Variants in TIAM1 observed in about 807,000 individuals in gnomAD.
TIAM1 encodes the protein rho guanine nucleotide exchange factor TIAM1.
TIAM1 carries 65 observed loss-of-function variants against 163.5 expected under a neutral mutation model. The ratio of observed to expected loss-of-function variants is 0.40; its 90% CI spans 0.33 to 0.49. The LOEUF (loss-of-function observed/expected upper bound fraction) is 0.49, where lower values mean the gene tolerates loss of function less well. Among genes scored for constraint, TIAM1 ranks in the 20% least tolerant of loss-of-function variants. TIAM1 has a pLI of 0.77. For missense variants in TIAM1, 1,789 were observed against 2,044.7 expected, an observed-to-expected ratio of 0.87 and a Z score of 2.41; for synonymous variants, 833 against 810.1, an observed-to-expected ratio of 1.03 and a Z score of -0.48.
At chr21:31,191,339 A>G (rs1827257916) in intron 13 of TIAM1, among the ~76,000 whole-genome samples, 1 of 152,078 alleles carries the variant, frequency 6.6e-6, no homozygotes, top group African/African-American at 2.4e-5. Context: ...TATCTTTAGT[A>G]GAGATGGGGT....
At chr21:31,242,860 C>CAAAAAAAAAAA (rs11417948) in intron 6 of TIAM1, among the ~76,000 whole-genome samples, 1 of 95,088 alleles carries the variant, frequency 1.1e-5, no homozygotes. Flanking sequence ...GACTCTGTCT[C>CAAAAAAAAAAA]AAAAAAAAAA....
chr21:31,125,007 A>T (rs374672187), intron 26 of TIAM1, among the ~76,000 whole-genome samples: 1 of 152,180 alleles, frequency 6.6e-6, no homozygotes, highest in Non-Finnish European at 1.5e-5. Flanking sequence ...CTCAAGGCAG[A>T]GTTTTTCATT....
intron 2 of TIAM1, among the ~76,000 whole-genome samples, chr21:31,415,841 C>T (rs1339042943): frequency 6.6e-6 from 1 of 152,074 alleles, no homozygotes; most frequent in Non-Finnish European, 1.5e-5. Context: ...AATGCCTTCC[C>T]CACACTGTCT....
intron 2 of TIAM1, among the ~76,000 whole-genome samples, chr21:31,388,419 TCA>T (rs1330329117): frequency 6.6e-6 from 1 of 151,868 alleles, no homozygotes; most frequent in Non-Finnish European, 1.5e-5. Context: ...GGCAGGAGGA[TCA>T]CTTAAGACCA....
At chr21:31,184,997 G>A (rs1360179974) in intron 14 of TIAM1, among the ~76,000 whole-genome samples, 1 of 150,488 alleles carries the variant, frequency 6.6e-6, no homozygotes, top group African/African-American at 2.4e-5. Context: ...GAACTCAGCT[G>A]AACCAGGACA....
chr21:31,222,651 G>A (rs1487056200), intron 8 of TIAM1, among the ~76,000 whole-genome samples: 2 of 126,598 alleles, frequency 1.6e-5, no homozygotes, highest in Non-Finnish European at 3.2e-5. Context: ...GTATGTGTGT[G>A]TATATATACA....
intron 4 of TIAM1, among the ~76,000 whole-genome samples, chr21:31,262,259 C>A (rs2072520098): frequency 6.6e-6 from 1 of 152,168 alleles, no homozygotes; most frequent in African/African-American, 2.4e-5. Flanking sequence ...GTCAAATAAC[C>A]AAGAGGTAAC....
At chr21:31,504,919 A>G (rs1444819246) in intron 1 of TIAM1, among the ~76,000 whole-genome samples, 2 of 152,340 alleles carry the variant, frequency 1.3e-5, no homozygotes, top group East Asian at 3.9e-4. Context: ...TCCTGCCCTG[A>G]TACTGCAAGA....
chr21:31,235,047 T>C (rs2088670018), intron 6 of TIAM1, among the ~76,000 whole-genome samples: 1 of 152,162 alleles, frequency 6.6e-6, no homozygotes, highest in Non-Finnish European at 1.5e-5. Flanking sequence ...AAGAAGTTAC[T>C]CCAGGTTATT....
In TIAM1 at chr21:31,210,167, A is replaced by T. The variant is rs759195484; in HGVS notation, c.2266T>A (p.Cys756Ser). The T allele has an allele frequency of 2.5e-6, 4 of 1,614,080 alleles. No homozygotes were observed. In the South Asian group the frequency reaches 4.4e-5, roughly 18 times the overall value. ...LPNVHQHNPDCDIWVHEYFTP... is the reference protein window; with the variant it reads ...LPNVHQHNPDSDIWVHEYFTP... Reference sequence around the variant, plus strand: ...AAATACTCGTGGACCCAAATGTCGCAGTCAGGGTTGTGCTGGTGAACGTTA... The same window carrying T: ...AAATACTCGTGGACCCAAATGTCGCTGTCAGGGTTGTGCTGGTGAACGTTA... The change falls in exon 11 of 28, where the codon TGC (cysteine) becomes AGC (serine). Residue 756 changes from cysteine to serine, a missense_variant. Transcript: ENST00000541036.
chr21:31,264,254 C>T (rs146752538), intron 4 of TIAM1, among the ~76,000 whole-genome samples: 158 of 152,222 alleles, frequency 1.0e-3, no homozygotes, highest in East Asian at 5.0e-3. Context: ...CCCAATAATT[C>T]GTTTTTCAAC....
intron 2 of TIAM1, among the ~76,000 whole-genome samples, chr21:31,440,678 C>G (rs1443204137): frequency 6.6e-6 from 1 of 152,064 alleles, no homozygotes; most frequent in African/African-American, 2.4e-5. Context: ...GTCAGAGCAT[C>G]GAGACCATCC....
intron 3 of TIAM1, among the ~76,000 whole-genome samples, chr21:31,268,617 G>T (rs1010118906): frequency 1.3e-5 from 2 of 152,142 alleles, no homozygotes; most frequent in Non-Finnish European, 2.9e-5. Context: ...ATCTCAGAGG[G>T]AATTTTCCAA....
intron 6 of TIAM1, among the ~76,000 whole-genome samples, chr21:31,244,456 G>C (rs1229024261): frequency 6.6e-6 from 1 of 152,202 alleles, no homozygotes; most frequent in African/African-American, 2.4e-5. Context: ...TGGGCGCAGT[G>C]GCTTACACCT....
At chr21:31,416,444 C>T (rs766318155) in intron 2 of TIAM1, among the ~76,000 whole-genome samples, 3 of 152,154 alleles carry the variant, frequency 2.0e-5, no homozygotes, top group Non-Finnish European at 2.9e-5. Context: ...CACTGTACCC[C>T]ATATGTAGTC....
At chr21:31,452,605 G>A in intron 2 of TIAM1, 1 of 555,196 alleles carries the variant, frequency 1.8e-6, no homozygotes, top group Non-Finnish European at 3.3e-6. Context: ...ACTAAGTTAT[G>A]TGCACCAAAT....
intron 2 of TIAM1, among the ~76,000 whole-genome samples, chr21:31,293,186 G>C (rs2074099684): frequency 6.6e-6 from 1 of 152,120 alleles, no homozygotes; most frequent in Non-Finnish European, 1.5e-5. Context: ...AAATCTGCAA[G>C]GTAGGGTTGG....
intron 2 of TIAM1, among the ~76,000 whole-genome samples, chr21:31,354,448 C>T (rs988480772): frequency 4.6e-5 from 7 of 152,034 alleles, no homozygotes; most frequent in African/African-American, 1.2e-4. Flanking sequence ...GGCCCTTTCA[C>T]AGAACCAAGG....
intron 2 of TIAM1, among the ~76,000 whole-genome samples, chr21:31,324,296 T>G (rs751614897): frequency 1.3e-5 from 2 of 151,930 alleles, no homozygotes; most frequent in Non-Finnish European, 2.9e-5. Flanking sequence ...GAGGTTGCAG[T>G]GAGCTTAGAT....
Sources: allele counts gnomAD v4.1 joint callset (sites outside exome capture counted in the v4.1 genomes callset), GRCh38; gene constraint gnomAD v4.1.1; transcripts MANE v1.5; gene names NCBI Gene and HGNC (gene_info 2026-07-23, HGNC 2026-07-21).